The following PTPRG variants were observed in gnomAD, a reference collection of about 807,000 sequenced individuals.
The protein encoded by PTPRG is receptor-type tyrosine-protein phosphatase gamma.
A neutral mutation model predicts 165.3 loss-of-function variants in PTPRG; 102 were observed. The ratio of observed to expected loss-of-function variants is 0.62; its 90% CI spans 0.53 to 0.73. PTPRG has a LOEUF of 0.73. PTPRG is among the 30% of genes least tolerant of loss of function. The pLI, the probability that PTPRG is intolerant of heterozygous loss-of-function variation, is 0.00. For synonymous variants in PTPRG, 675 were observed against 669.5 expected (o/e 1.01, Z -0.13); for missense variants, 1,866 against 1,861.4 (o/e 1.00, Z -0.05).
chr3:61,673,547 T>C lies in PTPRG; in HGVS notation c.86-75331T>C, dbSNP rs540308260. ...CTGAGTACAAATTTATTTCTACATG[T>C]TCTTCTTTTAAAATATGGAATTCTT... On this transcript the variant is annotated intron_variant, in intron 1 of 29. Transcript: ENST00000474889. Among the ~76,000 whole-genome samples, 4 of 152,366 alleles carry C rather than the reference T, an allele frequency of 2.6e-5. No homozygotes were observed. The East Asian group carries it at 5.8e-4, about 22-fold the overall frequency.
rs191987402 is a variant in PTPRG, at chr3:61,807,383, C to T, written c.190+58401C>T. Among the ~76,000 whole-genome samples, 7 of 152,248 alleles carry T rather than the reference C, an allele frequency of 4.6e-5. No individual in the cohort carries two copies. In the East Asian group the frequency reaches 1.2e-3, roughly 25 times the overall value. Reference sequence around the variant, plus strand: ...AGTTTACATCCGGTCTGTCTCTGGGCCAGCGTATATGGTATGCCAGTGACA... The same window carrying T: ...AGTTTACATCCGGTCTGTCTCTGGGTCAGCGTATATGGTATGCCAGTGACA... On this transcript the variant is annotated intron_variant, in intron 2 of 29. Transcript: ENST00000474889.
intron 2 of PTPRG, among the ~76,000 whole-genome samples, chr3:61,817,250 T>C (rs764918289): frequency 6.3e-5 from 9 of 142,656 alleles, no homozygotes; most frequent in Non-Finnish European, 1.2e-4. Flanking sequence ...CTGTTGGGAA[T>C]CTCCATCAAA....
intron 1 of PTPRG, among the ~76,000 whole-genome samples, chr3:61,572,540 AAATT>A (rs1411560123): frequency 2.0e-5 from 3 of 152,202 alleles, no homozygotes; most frequent in Admixed American, 2.0e-4. Context: ...AATAAATTAA[AAATT>A]AAGAATGCAT....
intron 5 of PTPRG, among the ~76,000 whole-genome samples, chr3:62,123,008 C>A (rs1222414495): frequency 1.3e-5 from 2 of 152,156 alleles, no homozygotes; most frequent in East Asian, 3.9e-4. Flanking sequence ...TTCCGCTACT[C>A]AGTTCTTGGC....
intron 2 of PTPRG, among the ~76,000 whole-genome samples, chr3:61,943,708 C>A (rs765338042): frequency 2.5e-4 from 38 of 152,192 alleles, no homozygotes; most frequent in Non-Finnish European, 4.7e-4. Flanking sequence ...CACCATCATG[C>A]CCTAAAATAT....
intron 1 of PTPRG, among the ~76,000 whole-genome samples, chr3:61,727,040 C>G (rs1182477441): frequency 7.2e-6 from 1 of 138,642 alleles, no homozygotes; most frequent in Admixed American, 7.3e-5. Flanking sequence ...CAGTGAGACT[C>G]CGTCTCAAAA....
At chr3:62,075,722 C>T (rs13433913) in intron 4 of PTPRG, among the ~76,000 whole-genome samples, 4,248 of 152,194 alleles carry the variant, frequency 0.028, 186 homozygotes, top group African/African-American at 0.097. Flanking sequence ...TTACCTTTGA[C>T]CTATATTTAG....
intron 2 of PTPRG, among the ~76,000 whole-genome samples, chr3:61,965,519 A>G (rs809765): frequency 0.77 from 114,856 of 149,584 alleles, 44,622 homozygotes; most frequent in African/African-American, 0.89. Context: ...TTAAGCTTAA[A>G]CCCTTAGGGT....
intron 5 of PTPRG, among the ~76,000 whole-genome samples, chr3:62,117,750 C>T (rs1198727229): frequency 6.6e-6 from 1 of 152,124 alleles, no homozygotes; most frequent in Non-Finnish European, 1.5e-5. Context: ...TCACAGGGTT[C>T]GAGCATCTGA....
chr3:61,693,082 A>G (rs1427240394), intron 1 of PTPRG, among the ~76,000 whole-genome samples: 3 of 152,238 alleles, frequency 2.0e-5, no homozygotes. Context: ...AAAATGAAAA[A>G]AAGATTAACA....
intron 4 of PTPRG, among the ~76,000 whole-genome samples, chr3:62,048,984 A>G (rs1700383017): frequency 6.6e-6 from 1 of 152,202 alleles, no homozygotes. Flanking sequence ...AAAGGGATAC[A>G]ATATGTAACT....
rs148117490 is a variant in PTPRG, at chr3:62,016,387, C to T, written c.519+12890C>T. Among the ~76,000 whole-genome samples the T allele has an allele frequency of 8.2e-4, 125 of 152,120 alleles. No individual in the cohort carries two copies. The East Asian group carries it at 0.017, about 21-fold the overall frequency. On this transcript the variant is annotated intron_variant, in intron 4 of 29. Coordinates refer to ENST00000474889, the MANE Select transcript of PTPRG (RefSeq NM_002841.4). ...TTCACTATGTTGGCCAGGCTGGTCT[C>T]GAACTCCTGACCTCGTGATTCGCCT...
At chr3:62,287,496 C>T (rs1031349590) in intron 28 of PTPRG, among the ~76,000 whole-genome samples, 10 of 151,834 alleles carry the variant, frequency 6.6e-5, no homozygotes, top group South Asian at 2.1e-4. Flanking sequence ...TGAGAAAATA[C>T]ATTAATTCAT....
intron 2 of PTPRG, among the ~76,000 whole-genome samples, chr3:61,866,818 C>A (rs540236869): frequency 6.6e-6 from 1 of 152,020 alleles, no homozygotes; most frequent in African/African-American, 2.4e-5. Flanking sequence ...AGGATGGTCT[C>A]GATCTCTTGA....
chr3:61,697,380 C>T lies in PTPRG; in HGVS notation c.86-51498C>T, dbSNP rs1266638584. Among the ~76,000 whole-genome samples, 9 of 152,150 alleles carry T rather than the reference C, an allele frequency of 5.9e-5. 1 individual carries two copies. The highest frequency in any genetic ancestry group is 2.6e-4 in the Admixed American group (4 of 15,286). On this transcript the variant is annotated intron_variant, in intron 1 of 29. Transcript: ENST00000474889. ...TGGGAACTTTCTGTTGTACTCCCTTCGTCCCCCAGGGTCTCTCTGGAATTC... is the reference window on the plus strand; with the variant it reads ...TGGGAACTTTCTGTTGTACTCCCTTTGTCCCCCAGGGTCTCTCTGGAATTC...
intron 1 of PTPRG, among the ~76,000 whole-genome samples, chr3:61,636,205 C>T (rs1701904049): frequency 6.6e-6 from 1 of 152,092 alleles, no homozygotes; most frequent in Non-Finnish European, 1.5e-5. Flanking sequence ...AGATAGAATT[C>T]ATATAGTATA....
chr3:61,756,253 T>C (rs1298697544), intron 2 of PTPRG, among the ~76,000 whole-genome samples: 4 of 152,220 alleles, frequency 2.6e-5, no homozygotes, highest in Admixed American at 6.5e-5. Flanking sequence ...TAATTAGTCA[T>C]TGTATTTCCC....
intron 28 of PTPRG, among the ~76,000 whole-genome samples, chr3:62,286,187 A>T (rs1008469450): frequency 2.6e-5 from 4 of 152,192 alleles, no homozygotes; most frequent in African/African-American, 9.6e-5. Flanking sequence ...GACACAAGGC[A>T]TATGGACTGT....
At position 62,271,741 on chromosome 3, in the gene PTPRG, G is replaced by A. The variant is rs1702074411; in HGVS notation, c.3182+186G>A. ...CTGTAACATTAAGAAATCATCTGCT[G>A]CTTCTGTGATTTTTAAAAAACTAGA... On this transcript the variant is annotated intron_variant, in intron 21 of 29. Transcript: ENST00000474889. The surrounding 1 kb of genome is among the most constrained non-coding windows in gnomAD (Gnocchi z 4.1). Among the ~76,000 whole-genome samples the A allele has an allele frequency of 6.6e-6, 1 of 152,082 alleles. No homozygotes were observed. The highest frequency in any genetic ancestry group is 1.5e-5 in the Non-Finnish European group (1 of 68,016).
Sources: gnomAD v4.1 joint callset for allele counts (sites outside exome capture counted in the v4.1 genomes callset) on GRCh38, gnomAD v4.1.1 for gene constraint, Gnocchi (gnomAD v3.1) non-coding constraint, MANE v1.5 for transcripts, NCBI Gene and HGNC (gene_info 2026-07-23, HGNC 2026-07-21) for gene names.